PRKD2: variants seen among roughly 807,000 people sequenced by gnomAD.
The protein encoded by PRKD2 is protein kinase D2.
A neutral mutation model predicts 86.0 loss-of-function variants in PRKD2; 22 were observed. The observed-to-expected ratio is 0.26, with a 90% CI of 0.18 to 0.37. PRKD2 has a LOEUF of 0.37. PRKD2 is among the 10% of genes least tolerant of loss of function. PRKD2 has a pLI of 1.00. For missense variants in PRKD2, 818 were observed against 1,199.2 expected, an observed-to-expected ratio of 0.68 and a Z score of 4.70; for synonymous variants, 509 against 510.9, an observed-to-expected ratio of 1.00 and a Z score of 0.05.
intron 1 of PRKD2, 137 bp downstream of exon 1, chr19:46,715,993 CA>C: frequency 7.5e-7 from 1 of 1,326,540 alleles, no homozygotes; most frequent in Non-Finnish European, 1.0e-6. Context: ...TGGAGGGGGG[CA>C]ATGCCCCCTA....
In PRKD2 at chr19:46,697,876, A is replaced by G. The variant is rs1026004955; in HGVS notation, c.1122-26T>C. ...CTGCGAAGGAAGAGGAAGGGGTGAG[A>G]AGTCACATGCAGAAAGTGACCATGC... On this transcript the variant is annotated intron_variant, in intron 7 of 17. Coordinates refer to ENST00000291281, the MANE Select transcript of PRKD2 (RefSeq NM_016457.5). The G allele has an allele frequency of 4.5e-6, 7 of 1,568,736 alleles. No individual in the cohort carries two copies. The African/African-American group carries it at 6.8e-5, about 15-fold the overall frequency.
chr19:46,680,946 ATTT>A lies in PRKD2; in HGVS notation c.2070+701_2070+703del, dbSNP rs1222612655. Among the ~76,000 whole-genome samples the A allele has an allele frequency of 6.9e-3, 334 of 48,218 alleles. 8 individuals are homozygous for A. The highest frequency in any genetic ancestry group is 0.023 in the African/African-American group (320 of 14,180). The allele number at this position is 48,218 out of a possible 152,430, so 31.6% of individuals were successfully genotyped here. A position where few individuals can be genotyped will look rare whatever the true frequency, so the allele number is the denominator to read the frequency against. On this transcript the variant is annotated intron_variant, in intron 15 of 17. Transcript: ENST00000291281. ...AAACTATATATATATATATATATAT[ATTT>A]TTTTTTTTTTTTTTGAGACAGAGTC... is the stretch of plus-strand genomic sequence containing the variant.
At chr19:46,683,559 T>C (rs920815279) in intron 14 of PRKD2, among the ~76,000 whole-genome samples, 11 of 151,876 alleles carry the variant, frequency 7.2e-5, no homozygotes, top group Admixed American at 2.0e-4. Context: ...CTGCCTCTAT[T>C]AAAAATACAA....
chr19:46,683,898 C>T (rs966225470), intron 14 of PRKD2, among the ~76,000 whole-genome samples: 2 of 151,926 alleles, frequency 1.3e-5, no homozygotes, highest in African/African-American at 4.8e-5. Flanking sequence ...TTAAATAAAG[C>T]TTCTCCTGCT....
chr19:46,680,946 A>ATATATATAT, intron 15 of PRKD2, among the ~76,000 whole-genome samples: 1 of 48,232 alleles, frequency 2.1e-5, no homozygotes, highest in Admixed American at 3.1e-4. Flanking sequence ...ATATATATAT[A>ATATATATAT]TTTTTTTTTT....
chr19:46,706,715 A>G (rs567822370), intron 3 of PRKD2, among the ~76,000 whole-genome samples: 1 of 152,230 alleles, frequency 6.6e-6, no homozygotes, highest in Admixed American at 6.5e-5. Context: ...GTATCATGAC[A>G]AAGACTGCAT....
intron 3 of PRKD2, among the ~76,000 whole-genome samples, chr19:46,707,556 C>A (rs1339617684): frequency 1.3e-5 from 2 of 152,282 alleles, no homozygotes; most frequent in East Asian, 3.9e-4. Context: ...CGCCACTGCA[C>A]TCCATCCTGG....
intron 14 of PRKD2, among the ~76,000 whole-genome samples, chr19:46,688,204 A>G (rs985521279): frequency 2.0e-5 from 3 of 151,546 alleles, no homozygotes; most frequent in African/African-American, 7.3e-5. Flanking sequence ...GGCTCTTGCT[A>G]TGTTGCCCAG....
intron 14 of PRKD2, 24 bp from the exon 15 acceptor site, chr19:46,681,772 TAAGA>T: frequency 6.6e-7 from 1 of 1,509,390 alleles, no homozygotes; most frequent in Non-Finnish European, 9.2e-7. Context: ...ATGGGCCCAG[TAAGA>T]AAGGTAGATA....
chr19:46,681,348 G>A (rs2053304006), intron 15 of PRKD2, among the ~76,000 whole-genome samples: 1 of 151,462 alleles, frequency 6.6e-6, no homozygotes, highest in African/African-American at 2.4e-5. Context: ...ACCAACTCCT[G>A]GGCTCAAGCA....
In PRKD2 at chr19:46,689,450, G is replaced by A. The variant is rs1346127420; in HGVS notation, c.1971+87C>T. ...ATCTGCTATTGTGACTCCCCCAAGT[G>A]TCTGCTTGACCCCCTAGGCATACAG... On this transcript the variant is annotated intron_variant, in intron 14 of 17. Coordinates refer to ENST00000291281, the MANE Select transcript of PRKD2 (RefSeq NM_016457.5). 5.6e-6 allele frequency: 8 copies of A among 1,434,086 alleles called. No individual in the cohort carries two copies. In the Admixed American group the frequency reaches 8.5e-5, roughly 15 times the overall value. 88.8% of individuals were successfully genotyped at this position (1,434,086 alleles called of 1,614,324 possible).
At chr19:46,703,992 C>CACACACACACACA (rs946341425) in intron 5 of PRKD2, among the ~76,000 whole-genome samples, 177 bp downstream of exon 5, 2 of 150,198 alleles carry the variant, frequency 1.3e-5, no homozygotes, top group African/African-American at 4.9e-5. Context: ...CACACACACA[C>CACACACACACACA]AACTGAGGTT....
At chr19:46,701,151 AAG>A in intron 5 of PRKD2, 39 bp from the exon 6 acceptor site, 1 of 1,593,800 alleles carries the variant, frequency 6.3e-7, no homozygotes, top group East Asian at 2.2e-5. Context: ...TGAGAAGGGG[AAG>A]AGAGGTTACC....
At chr19:46,688,421 T>TTTTTTATTATTATTA (rs1555827922) in intron 14 of PRKD2, among the ~76,000 whole-genome samples, 1 of 148,252 alleles carries the variant, frequency 6.7e-6, no homozygotes, top group African/African-American at 2.5e-5. Context: ...ATGATTACTC[T>TTTTTTATTATTATTA]TTATTATTAT....
At position 46,716,091 on chromosome 19, in the gene PRKD2, A is replaced by G; in HGVS notation, c.240+40T>C. 6.3e-7 allele frequency: 1 copy of G among 1,597,730 alleles called. No individual in the cohort carries two copies. The highest frequency in any genetic ancestry group is 8.5e-7 in the Non-Finnish European group (1 of 1,173,100). On this transcript the variant is annotated intron_variant, in intron 1 of 17. Transcript: ENST00000291281. This position sits in a 1 kb window ranked among gnomAD's most constrained non-coding sequence, Gnocchi z 7.9. Reference sequence around the variant, plus strand: ...CCCTCTGCCAGCGCCCCCTCCTTCAACCTCTCCCCGAGCTGGATCCAGGGA... The same window carrying G: ...CCCTCTGCCAGCGCCCCCTCCTTCAGCCTCTCCCCGAGCTGGATCCAGGGA...
At chr19:46,705,701 C>T (rs936501884) in intron 3 of PRKD2, among the ~76,000 whole-genome samples, 4 of 151,398 alleles carry the variant, frequency 2.6e-5, no homozygotes, top group African/African-American at 9.7e-5. Flanking sequence ...GCAGGAGAAT[C>T]ACTTGAACCC....
chr19:46,707,319 C>T (rs1329584383), intron 3 of PRKD2, among the ~76,000 whole-genome samples: 1 of 152,112 alleles, frequency 6.6e-6, no homozygotes, highest in Non-Finnish European at 1.5e-5. Context: ...AATGGAGGCG[C>T]ATGGGGCCCA....
chr19:46,704,239 T>C lies in PRKD2; in HGVS notation c.819A>G (p.Thr273=), dbSNP rs147377997. Residue 273 remains threonine (T), a synonymous_variant, in exon 5 of 18, where the codon ACA becomes ACG. Transcript: ENST00000291281. ...VPHTFLIHSY[T]RPTVCQACKK... is the part of the protein sequence containing the mutation. ...TGCAAGCCTGGCAAACGGTGGGCCG[T>C]GTATAGCTGTGGATGAGGAAGGTGT... The C allele has an allele frequency of 6.2e-7, 1 of 1,614,108 alleles. No individual in the cohort carries two copies.
chr19:46,701,427 C>T (rs1053132629), intron 5 of PRKD2, among the ~76,000 whole-genome samples: 2 of 151,668 alleles, frequency 1.3e-5, no homozygotes, highest in African/African-American at 4.8e-5. Context: ...TCGAAACCAG[C>T]CTGCCCTACA....
Sources: allele counts gnomAD v4.1 joint callset (sites outside exome capture counted in the v4.1 genomes callset), GRCh38; gene constraint gnomAD v4.1.1; non-coding constraint Gnocchi (gnomAD v3.1); transcripts MANE v1.5; gene names NCBI Gene and HGNC (gene_info 2026-07-23, HGNC 2026-07-21).